TRANK1: variants seen among roughly 807,000 people sequenced by gnomAD.
TRANK1 encodes the protein TPR and ankyrin repeat-containing protein 1.
Under a neutral mutation model 266.0 loss-of-function variants are expected in TRANK1, and 198 were observed. The observed-to-expected ratio is 0.74, with a 90% CI of 0.66 to 0.84. The LOEUF (loss-of-function observed/expected upper bound fraction) is 0.84. TRANK1 is among the 40% of genes least tolerant of loss of function. The probability of loss-of-function intolerance (pLI) is 0.00; values close to 1 mark genes in which losing one functional copy is unlikely to be tolerated. For synonymous variants in TRANK1, 1,396 were observed against 1,384.1 expected, an observed-to-expected ratio of 1.01 and a Z score of -0.19; for missense variants, 3,326 against 3,634.6, an observed-to-expected ratio of 0.92 and a Z score of 2.18.
rs2125593055 is a variant in TRANK1, at chr3:36,883,448, A to C, written c.907+6381T>G. On this transcript the variant is annotated intron_variant, in intron 8 of 23. Coordinates refer to ENST00000645898, the MANE Select transcript of TRANK1 (RefSeq NM_001329998.2). ...TGATAGAGTAAGACTCTGTCTCAAA[A>C]AAAAAAAAAAACGCAGAGAAAAGAA... Among the ~76,000 whole-genome samples the C allele has an allele frequency of 4.1e-5, 3 of 72,626 alleles. No homozygotes were observed. In the South Asian group the frequency reaches 1.2e-3, roughly 30 times the overall value. 47.6% of individuals were successfully genotyped at this position (72,626 alleles called of 152,430 possible).
rs144419684 is a variant in TRANK1 at position 36,868,981 on chromosome 3, T to C, written c.1079-4501A>G. 2.9e-3 allele frequency among the ~76,000 whole-genome samples: 447 copies of C among 152,274 alleles called. 1 individual carries two copies. Among genetic ancestry groups the C allele is most frequent in the African/African-American group, 0.01 (426 of 41,560 alleles). ...TGTGAGAAAAACAAAGGCTCCAATC[T>C]TGCGCTTCTTGGTCCCAAGGAAAGA... On this transcript the variant is annotated intron_variant, in intron 9 of 23. Coordinates refer to ENST00000645898, the MANE Select transcript of TRANK1 (RefSeq NM_001329998.2).
chr3:36,832,227 T>A lies in TRANK1; in HGVS notation c.7356A>T (p.Thr2452=). 1 of 1,613,984 alleles carries A rather than the reference T, an allele frequency of 6.2e-7. No individual in the cohort carries two copies. The highest frequency in any genetic ancestry group is 8.5e-7 in the Non-Finnish European group (1 of 1,179,876). The change falls in exon 22 of 24, where the codon ACA becomes ACT. Residue 2452 remains threonine (T), a synonymous_variant. Coordinates refer to ENST00000645898, the MANE Select transcript of TRANK1 (RefSeq NM_001329998.2). ...TGAACTGGAACTCCAGGAGGGCTAC[T>A]GTGTTTCCAATGCTGGGGATGAGTG... is the stretch of plus-strand genomic sequence containing the variant. ...KEPLIPSIGN[T]VALLEFQFIH... is the part of the protein sequence containing the mutation.
Position 36,833,489 on chromosome 3 carries a change from C to G in TRANK1, c.6094G>C (p.Ala2032Pro). Residue 2032 changes from alanine (A) to proline (P), a missense_variant, in exon 22 of 24, where the codon GCC becomes CCC. Transcript: ENST00000645898. ...AGGATTACCCCTTGCAGGAAGTGGGCCTCCGCAATGCCAGACAACTGGCCA... is the reference window on the plus strand; with the variant it reads ...AGGATTACCCCTTGCAGGAAGTGGGGCTCCGCAATGCCAGACAACTGGCCA... ...QTGQLSGIAE[A>P]HFLQGVILRD... is the part of the protein sequence containing the mutation. 1.2e-6 allele frequency: 2 copies of G among 1,613,960 alleles called. No homozygotes were observed. Among genetic ancestry groups the G allele is most frequent in the Non-Finnish European group, 1.7e-6 (2 of 1,179,848 alleles).
rs766140832 is a variant in TRANK1 at position 36,831,124 on chromosome 3, T to G, written c.8459A>C (p.Gln2820Pro). ...CQERNSESYE[Q>P]HIHLEHHQRQ... ...CTGGTGGTGTTCTAGATGGATATGC[T>G]GCTCGTAAGACTCGCTGTTCCTCTC... is the stretch of plus-strand genomic sequence containing the variant. The change falls in exon 22 of 24, where the codon CAG becomes CCG. Residue 2820 changes from glutamine to proline, a missense_variant. By Grantham distance (76) the Gln-to-Pro change is moderately conservative (BLOSUM62 -1). Coordinates refer to ENST00000645898, the MANE Select transcript of TRANK1 (RefSeq NM_001329998.2). The surrounding 1 kb of genome is among the most constrained non-coding windows in gnomAD (Gnocchi z 5.0). The G allele has an allele frequency of 6.2e-7, 1 of 1,614,022 alleles. No individual in the cohort carries two copies. Among genetic ancestry groups the G allele is most frequent in the East Asian group, 2.2e-5 (1 of 44,874 alleles).
At position 36,856,831 on chromosome 3, in the gene TRANK1, C is replaced by T. The variant is rs753539259; in HGVS notation, c.2891G>A (p.Arg964Gln). 11 of 1,614,018 alleles carry T rather than the reference C, an allele frequency of 6.8e-6. No homozygotes were observed. The highest frequency in any genetic ancestry group is 6.7e-5 in the East Asian group (3 of 44,888). ...CTTCCGCAGGACACAGGACAAGCCCCGGTTGTAGGCATTGCAGATGGCCTT... is the reference window on the plus strand; with the variant it reads ...CTTCCGCAGGACACAGGACAAGCCCTGGTTGTAGGCATTGCAGATGGCCTT... ...SIKAICNAYN[R>Q]GLSCVLRKKL... is the part of the protein sequence containing the mutation. Residue 964 changes from arginine (R) to glutamine (Q), a missense_variant, in exon 13 of 24, where the codon CGG becomes CAG. Arg to Gln is a conservative substitution (Grantham distance 43). Coordinates refer to ENST00000645898, the MANE Select transcript of TRANK1 (RefSeq NM_001329998.2).
chr3:36,914,220 A>G (rs1479463443), intron 1 of TRANK1, among the ~76,000 whole-genome samples: 4 of 150,976 alleles, frequency 2.6e-5, no homozygotes, highest in East Asian at 2.0e-4. Flanking sequence ...TGCAAACTCC[A>G]TCTCCCGGGT....
chr3:36,845,300 T>C (rs1318359607), intron 17 of TRANK1, among the ~76,000 whole-genome samples: 1 of 152,240 alleles, frequency 6.6e-6, no homozygotes, highest in Non-Finnish European at 1.5e-5. Context: ...TCTGATTAAT[T>C]CCTTACTATC....
At chr3:36,923,278 G>A (rs955663448) in intron 1 of TRANK1, among the ~76,000 whole-genome samples, 1 of 141,964 alleles carries the variant, frequency 7.0e-6, no homozygotes, top group African/African-American at 2.6e-5. Context: ...TTTTTGAGGT[G>A]GAGTCCCGCT....
chr3:36,909,457 G>A (rs1454461834), intron 1 of TRANK1, among the ~76,000 whole-genome samples: 1 of 152,138 alleles, frequency 6.6e-6, no homozygotes, highest in African/African-American at 2.4e-5. Context: ...ACAGGGAAAA[G>A]GTGGGGGTCA....
In TRANK1 at chr3:36,827,388, C is replaced by T. The variant is rs1211770644; in HGVS notation, c.*887G>A. On this transcript the variant is annotated 3_prime_UTR_variant, in exon 24 of 24. Coordinates refer to ENST00000645898, the MANE Select transcript of TRANK1 (RefSeq NM_001329998.2). ...CTCAGCAAGCAGAGACTCATCAGAACGTCAGCCTAAGCTAGGGTAGCGAAC... is the reference window on the plus strand; with the variant it reads ...CTCAGCAAGCAGAGACTCATCAGAATGTCAGCCTAAGCTAGGGTAGCGAAC... 6.6e-6 allele frequency: 1 copy of T among 152,330 alleles called. No individual in the cohort carries two copies. Among genetic ancestry groups the T allele is most frequent in the African/African-American group, 2.4e-5 (1 of 41,464 alleles). 9.4% of individuals were successfully genotyped at this position (152,330 alleles called of 1,614,324 possible). A position where few individuals can be genotyped will look rare whatever the true frequency, so the allele number is the denominator to read the frequency against.
chr3:36,883,367 C>A (rs2125592849), intron 8 of TRANK1, among the ~76,000 whole-genome samples: 1 of 151,434 alleles, frequency 6.6e-6, no homozygotes, highest in East Asian at 1.9e-4. Context: ...ATCGCTTGAG[C>A]CCGGGTGGGT....
In TRANK1 at chr3:36,832,388, T is replaced by A. The variant is rs766517165; in HGVS notation, c.7195A>T (p.Met2399Leu). 2 of 1,614,014 alleles carry A rather than the reference T, an allele frequency of 1.2e-6. No individual in the cohort carries two copies. Among genetic ancestry groups the A allele is most frequent in the South Asian group, 2.2e-5 (2 of 91,088 alleles). ...ATGAAGCACAGGTGGGTCTTGTCCA[T>A]ATTTTCATCATCCCTGTTGGGTGCC... ...MLAPNRDDEN[M>L]DKTHLCFIRL... is the part of the protein sequence containing the mutation. Residue 2399 changes from methionine (M) to leucine (L), a missense_variant, in exon 22 of 24, where the codon ATG becomes TTG. Coordinates refer to ENST00000645898, the MANE Select transcript of TRANK1 (RefSeq NM_001329998.2).
At chr3:36,886,768 C>T (rs544895585) in intron 8 of TRANK1, among the ~76,000 whole-genome samples, 28 of 151,998 alleles carry the variant, frequency 1.8e-4, no homozygotes, top group Non-Finnish European at 3.7e-4. Flanking sequence ...ATAAATTAGC[C>T]GGGCATAGTA....
intron 3 of TRANK1, among the ~76,000 whole-genome samples, chr3:36,902,406 A>G (rs1431722990): frequency 6.6e-6 from 1 of 152,200 alleles, no homozygotes; most frequent in Admixed American, 6.5e-5. Context: ...CAGAGTGGCT[A>G]TTGAATTTAA....
chr3:36,830,818 G>A (rs1306862726), intron 22 of TRANK1, 55 bp downstream of exon 22: 19 of 1,505,466 alleles, frequency 1.3e-5, no homozygotes, highest in Admixed American at 2.3e-5. Context: ...CCTGAGAAAT[G>A]TCCTCAGAGC....
chr3:36,861,112 G>T lies in TRANK1; in HGVS notation c.1289C>A (p.Thr430Asn). 6.5e-7 allele frequency: 1 copy of T among 1,537,436 alleles called. No homozygotes were observed. The highest frequency in any genetic ancestry group is 8.7e-7 in the Non-Finnish European group (1 of 1,146,946). Residue 430 changes from threonine (T) to asparagine (N), a missense_variant, in exon 11 of 24, where the codon ACC becomes AAC. By Grantham distance (65) the Thr-to-Asn change is moderately conservative. Coordinates refer to ENST00000645898, the MANE Select transcript of TRANK1 (RefSeq NM_001329998.2). ...TTTTTCCAATAAGAATTTGAAGACG[G>T]TGGTGGCACAGTCTTGATTAATATC... ...VCDINQDCAT[T>N]VFKFLLEKQR...
chr3:36,844,568 T>C (rs2078890707), intron 17 of TRANK1, among the ~76,000 whole-genome samples: 1 of 152,088 alleles, frequency 6.6e-6, no homozygotes, highest in South Asian at 2.1e-4. Flanking sequence ...ACTTGGGGAA[T>C]AAAGGGGGAT....
At chr3:36,907,503 C>T (rs1289728505) in intron 2 of TRANK1, among the ~76,000 whole-genome samples, 15 of 131,640 alleles carry the variant, frequency 1.1e-4, no homozygotes, top group African/African-American at 4.3e-4. Context: ...CTGGCTCTGT[C>T]GCCCAGGATG....
chr3:36,851,324 G>C, intron 15 of TRANK1: 1 of 997,308 alleles, frequency 1.0e-6, no homozygotes, highest in Non-Finnish European at 1.2e-6. Flanking sequence ...TCTATGAACT[G>C]ACCTTACCCA....
Sources: allele counts gnomAD v4.1 joint callset (sites outside exome capture counted in the v4.1 genomes callset), GRCh38; gene constraint gnomAD v4.1.1; non-coding constraint Gnocchi (gnomAD v3.1); transcripts MANE v1.5; gene names NCBI Gene and HGNC (gene_info 2026-07-23, HGNC 2026-07-21).